Variants in BLM observed in about 807,000 individuals in gnomAD.
BLM encodes the protein recQ-like DNA helicase BLM.
Under a neutral mutation model 135.3 loss-of-function variants are expected in BLM, and 95 were observed. The observed-to-expected ratio is 0.70, with a 90% CI of 0.59 to 0.83. The LOEUF (loss-of-function observed/expected upper bound fraction) is 0.83, where lower values mean the gene tolerates loss of function less well. Among genes scored for constraint, BLM ranks in the 40% least tolerant of loss-of-function variants. The pLI is 0.00. For missense variants in BLM, 1,518 were observed against 1,663.9 expected, an observed-to-expected ratio of 0.91 and a Z score of 1.53; for synonymous variants, 520 against 589.2, an observed-to-expected ratio of 0.88 and a Z score of 1.70.
At chr15:90,743,617 A>G (rs1251567044) in intron 1 of BLM, among the ~76,000 whole-genome samples, 1 of 151,052 alleles carries the variant, frequency 6.6e-6, no homozygotes, top group Non-Finnish European at 1.5e-5. Flanking sequence ...ATAGTGCACT[A>G]CAGCCCTGAA....
chr15:90,759,972 T>TTTTTAA, intron 5 of BLM, 175 bp from the exon 6 acceptor site: 1 of 473,650 alleles, frequency 2.1e-6, no homozygotes, highest in Non-Finnish European at 3.7e-6. Context: ...TTTTTTTTTT[T>TTTTTAA]AGTGACAGGG....
chr15:90,770,175 C>CG (rs1003150486), intron 12 of BLM, among the ~76,000 whole-genome samples: 4 of 144,742 alleles, frequency 2.8e-5, no homozygotes, highest in African/African-American at 7.7e-5. Flanking sequence ...AATCCCCCCC[C>CG]CCTTTTTTTT....
intron 20 of BLM, among the ~76,000 whole-genome samples, chr15:90,810,745 A>G (rs980027571): frequency 3.3e-5 from 5 of 152,236 alleles, no homozygotes; most frequent in African/African-American, 4.8e-5. Flanking sequence ...TCATTTACTA[A>G]GAAACTATTG....
chr15:90,769,029 T>C, intron 10 of BLM, 104 bp from the exon 11 acceptor site: 2 of 1,033,356 alleles, frequency 1.9e-6, no homozygotes, highest in Admixed American at 3.4e-5. Flanking sequence ...CCCGGCCTTA[T>C]AGAGGTTTTA....
At chr15:90,808,953 C>T in intron 19 of BLM, 184 bp from the exon 20 acceptor site, 1 of 737,772 alleles carries the variant, frequency 1.4e-6, no homozygotes, top group Non-Finnish European at 2.3e-6. Context: ...TGGGTTCCTG[C>T]CCTCTGTGCC....
chr15:90,741,252 G>T (rs1245934551), intron 1 of BLM, among the ~76,000 whole-genome samples: 5 of 152,126 alleles, frequency 3.3e-5, no homozygotes, highest in African/African-American at 4.8e-5. Flanking sequence ...AAGAATTCTG[G>T]GTTAATTTCT....
At chr15:90,758,376 A>G (rs1252745161) in intron 5 of BLM, among the ~76,000 whole-genome samples, 1 of 152,124 alleles carries the variant, frequency 6.6e-6, no homozygotes, top group African/African-American at 2.4e-5. Flanking sequence ...AGTCCCAGGC[A>G]CTCAGGAGGC....
At chr15:90,772,452 A>G (rs983954477) in intron 12 of BLM, among the ~76,000 whole-genome samples, 2 of 152,218 alleles carry the variant, frequency 1.3e-5, no homozygotes, top group Non-Finnish European at 2.9e-5. Flanking sequence ...TCAGTGTGCC[A>G]GGCACTGTTG....
intron 12 of BLM, among the ~76,000 whole-genome samples, chr15:90,781,981 C>T (rs1002811271): frequency 6.6e-6 from 1 of 152,158 alleles, no homozygotes; most frequent in Non-Finnish European, 1.5e-5. Flanking sequence ...AATTTTTTGT[C>T]ATCTAGTCCC....
At chr15:90,737,698 CT>C (rs1895255182) in intron 1 of BLM, among the ~76,000 whole-genome samples, 2 of 152,152 alleles carry the variant, frequency 1.3e-5, no homozygotes, top group South Asian at 4.2e-4. Context: ...AAATTTATAG[CT>C]ACAAATGCTT....
At chr15:90,730,102 C>T (rs557451183) in intron 1 of BLM, among the ~76,000 whole-genome samples, 1 of 152,214 alleles carries the variant, frequency 6.6e-6, no homozygotes, top group South Asian at 2.1e-4. Context: ...GATCCACCCA[C>T]CTCGGCCTCC....
In BLM at chr15:90,811,279, G is replaced by A. The variant is rs730880251; in HGVS notation, c.3949G>A (p.Glu1317Lys). The change falls in exon 21 of 22, where the codon GAG (glutamate) becomes AAG (lysine). Residue 1317 changes from glutamate (E) to lysine (K), a missense_variant. Transcript: ENST00000355112. ...PGRSAAEELD[E>K]EIPVSSHYFA... ...AAGAAGTGCCGCTGAGGAGCTCGACGAGGAAATACCCGTATCTTCCCACTA... is the reference window on the plus strand; with the variant it reads ...AAGAAGTGCCGCTGAGGAGCTCGACAAGGAAATACCCGTATCTTCCCACTA... The A allele has an allele frequency of 4.5e-5, 72 of 1,614,062 alleles. No individual in the cohort carries two copies. In the Admixed American group the frequency reaches 9.7e-4, roughly 22 times the overall value.
At chr15:90,776,494 G>A (rs1314336171) in intron 12 of BLM, among the ~76,000 whole-genome samples, 2 of 152,050 alleles carry the variant, frequency 1.3e-5, no homozygotes, top group African/African-American at 4.8e-5. Context: ...TACTTTTATT[G>A]TGTGATACGC....
Position 90,804,351 on chromosome 15 carries a change from A to T in BLM, c.3743A>T (p.Lys1248Met), listed in dbSNP as rs1555424404. 1 of 1,613,870 alleles carries T rather than the reference A, an allele frequency of 6.2e-7. No individual in the cohort carries two copies. Among genetic ancestry groups the T allele is most frequent in the Non-Finnish European group, 8.5e-7 (1 of 1,179,726 alleles). Residue 1248 changes from lysine (K) to methionine (M), a missense_variant, in exon 19 of 22, where the codon AAG (lysine) becomes ATG (methionine). Transcript: ENST00000355112. ...ATTTTTAATACCGTCACTCTCAAGA[A>T]GCTTGCAGGTGGGTACACATGTATC... ...FNIFNTVTLK[K>M]LAESLSSDPE...
chr15:90,774,326 C>A (rs1186405240), intron 12 of BLM, among the ~76,000 whole-genome samples: 1 of 151,716 alleles, frequency 6.6e-6, no homozygotes, highest in African/African-American at 2.4e-5. Flanking sequence ...CCCATCTCGA[C>A]CTCCCAAAGT....
intron 1 of BLM, among the ~76,000 whole-genome samples, chr15:90,735,547 G>A (rs1895192013): frequency 6.6e-6 from 1 of 151,000 alleles, no homozygotes; most frequent in South Asian, 2.1e-4. Context: ...AGAATTTAGT[G>A]TATGATAAAG....
At chr15:90,792,208 C>A (rs943140052) in intron 15 of BLM, among the ~76,000 whole-genome samples, 4 of 151,604 alleles carry the variant, frequency 2.6e-5, no homozygotes, top group African/African-American at 9.7e-5. Context: ...CAGATGCAAG[C>A]AGTTCTCCTG....
chr15:90,782,861 T>C lies in BLM; in HGVS notation c.2595T>C (p.Tyr865=), dbSNP rs1060503989. 1 of 1,613,846 alleles carries C rather than the reference T, an allele frequency of 6.2e-7. No homozygotes were observed. Among genetic ancestry groups the C allele is most frequent in the Non-Finnish European group, 8.5e-7 (1 of 1,179,748 alleles). ...TTAACAGACATAATCTGAAATACTATGTATTACCGAAAAAGCCTAAAAAGG... is the reference window on the plus strand; with the variant it reads ...TTAACAGACATAATCTGAAATACTACGTATTACCGAAAAAGCCTAAAAAGG... ...MSFNRHNLKY[Y]VLPKKPKKVA... is the part of the protein sequence containing the mutation. Residue 865 remains tyrosine (Y), a synonymous_variant, in exon 13 of 22, where the codon TAT becomes TAC. Transcript: ENST00000355112.
At chr15:90,797,607 A>G (rs1294003444) in intron 16 of BLM, among the ~76,000 whole-genome samples, 1 of 152,098 alleles carries the variant, frequency 6.6e-6, no homozygotes, top group Non-Finnish European at 1.5e-5. Flanking sequence ...CTGCATACAC[A>G]GAAGCACCAA....
Sources: gnomAD v4.1 joint callset for allele counts (sites outside exome capture counted in the v4.1 genomes callset) on GRCh38, gnomAD v4.1.1 for gene constraint, MANE v1.5 for transcripts, NCBI Gene and HGNC (gene_info 2026-07-23, HGNC 2026-07-21) for gene names.